The following RAP1GAP2 variants were observed in gnomAD, a reference collection of about 807,000 sequenced individuals.
RAP1GAP2 encodes RAP1 GTPase activating protein 2.
RAP1GAP2 carries 27 observed loss-of-function variants against 95.0 expected under a neutral mutation model. The ratio of observed to expected loss-of-function variants is 0.28; its 90% CI spans 0.21 to 0.39. The LOEUF is 0.39. Among genes scored for constraint, RAP1GAP2 ranks in the 10% least tolerant of loss-of-function variants. The pLI, the probability that RAP1GAP2 is intolerant of heterozygous loss-of-function variation, is 1.00. For missense variants in RAP1GAP2, 771 were observed against 970.0 expected (o/e 0.79, Z 2.72); for synonymous variants, 373 against 380.9 (o/e 0.98, Z 0.24).
At chr17:2,853,832 G>A (rs1217695558) in intron 2 of RAP1GAP2, 4 of 750,288 alleles carry the variant, frequency 5.3e-6, no homozygotes, top group Non-Finnish European at 6.5e-6. Context: ...GGAGGGGAGA[G>A]CGCGCGGTCA....
chr17:2,820,899 T>TG lies in RAP1GAP2; in HGVS notation c.80+20349_80+20350insG, dbSNP rs1567678140. Among the ~76,000 whole-genome samples the TG allele has an allele frequency of 2.4e-3, 349 of 147,218 alleles. 8 individuals are homozygous for TG. Among genetic ancestry groups the TG allele is most frequent in the African/African-American group, 8.3e-3 (333 of 40,112 alleles). On this transcript the variant is annotated intron_variant, in intron 2 of 24. Coordinates refer to ENST00000254695, the MANE Select transcript of RAP1GAP2 (RefSeq NM_015085.5). ...ACCACGGCCCGGATAATGGTTTTTT[T>TG]TTTTTTTTTTGTATTTTTAGTAGAG...
chr17:2,806,554 G>A (rs371684176), intron 2 of RAP1GAP2, among the ~76,000 whole-genome samples: 10 of 150,808 alleles, frequency 6.6e-5, no homozygotes, highest in South Asian at 4.2e-4. Flanking sequence ...CACCGTGCCC[G>A]GCTACTTTTT....
intron 1 of RAP1GAP2, among the ~76,000 whole-genome samples, chr17:2,765,795 C>G (rs111697464): frequency 1.7e-3 from 260 of 151,624 alleles, no homozygotes; most frequent in African/African-American, 6.1e-3. Context: ...GGTGAAACCC[C>G]CTCTCTACTA....
intron 8 of RAP1GAP2, among the ~76,000 whole-genome samples, chr17:2,973,379 G>A (rs1441441975): frequency 6.6e-6 from 1 of 152,132 alleles, no homozygotes; most frequent in African/African-American, 2.4e-5. Flanking sequence ...AGCCAGGCGT[G>A]GTGGTGGGTG....
chr17:2,800,454 G>A, intron 1 of RAP1GAP2, 61 bp from the exon 2 acceptor site: 1 of 1,561,194 alleles, frequency 6.4e-7, no homozygotes, highest in Non-Finnish European at 8.7e-7. Flanking sequence ...CCTCCATACA[G>A]ATGCTATGTA....
chr17:2,774,414 A>G (rs2068452706), upstream of RAP1GAP2, among the ~76,000 whole-genome samples: 1 of 148,500 alleles, frequency 6.7e-6, no homozygotes, highest in African/African-American at 2.5e-5. Context: ...GAGCAGTTGT[A>G]TTTCTGGGTG....
At chr17:2,966,281 TC>T (rs2044595903) in intron 8 of RAP1GAP2, among the ~76,000 whole-genome samples, 1 of 152,224 alleles carries the variant, frequency 6.6e-6, no homozygotes, top group African/African-American at 2.4e-5. Flanking sequence ...TGAGACTTGG[TC>T]CCTGTTCTCT....
chr17:2,758,175 C>CG (rs892553622), intron 1 of RAP1GAP2, among the ~76,000 whole-genome samples: 1 of 138,048 alleles, frequency 7.2e-6, no homozygotes, highest in Non-Finnish European at 1.6e-5. Context: ...GGCCACGCCC[C>CG]CCCCCCTTTT....
Position 2,904,133 on chromosome 17 carries a change from G to A in RAP1GAP2, c.81-1151G>A, listed in dbSNP as rs7503243. Among the ~76,000 whole-genome samples, 69 of 152,230 alleles carry A rather than the reference G, an allele frequency of 4.5e-4. No homozygotes were observed. The highest frequency in any genetic ancestry group is 1.5e-3 in the African/African-American group (61 of 41,544). ...GTTGGGGGCTTTGACGGCTCAGCCCGGCCCTCTTCGGCTTTTAATACGGTT... is the reference window on the plus strand; with the variant it reads ...GTTGGGGGCTTTGACGGCTCAGCCCAGCCCTCTTCGGCTTTTAATACGGTT... On this transcript the variant is annotated intron_variant, in intron 2 of 24. Coordinates refer to ENST00000254695, the MANE Select transcript of RAP1GAP2 (RefSeq NM_015085.5). This position sits in a 1 kb window ranked among gnomAD's most constrained non-coding sequence, Gnocchi z 4.7.
At chr17:2,982,462 A>T (rs933032852) in intron 10 of RAP1GAP2, among the ~76,000 whole-genome samples, 2 of 152,116 alleles carry the variant, frequency 1.3e-5, no homozygotes, top group African/African-American at 4.8e-5. Flanking sequence ...AGTGTTCAGG[A>T]TTGGGCATGC....
rs576943207 is a variant in RAP1GAP2, at chr17:2,881,977, C to G, written c.81-23307C>G. Among the ~76,000 whole-genome samples, 808 of 151,964 alleles carry G rather than the reference C, an allele frequency of 5.3e-3. 9 individuals are homozygous for G. Among genetic ancestry groups the G allele is most frequent in the African/African-American group, 0.019 (779 of 41,480 alleles). On this transcript the variant is annotated intron_variant, in intron 2 of 24. Coordinates refer to ENST00000254695, the MANE Select transcript of RAP1GAP2 (RefSeq NM_015085.5). ...CTGGGACTACAGGTGCCTGCCACCA[C>G]GCCTGGCTAATTTTTTGTATTTTTA...
rs1414719092 is a variant in RAP1GAP2 at position 2,889,885 on chromosome 17, ATATAT to A, written c.81-15397_81-15393del. 5.0e-3 allele frequency among the ~76,000 whole-genome samples: 225 copies of A among 44,860 alleles called. 3 individuals carry two copies. Among genetic ancestry groups the A allele is most frequent in the Middle Eastern group, 0.011 (1 of 92 alleles). 29.4% of individuals were successfully genotyped at this position (44,860 alleles called of 152,430 possible). A position where few individuals can be genotyped will look rare whatever the true frequency, so the allele number is the denominator to read the frequency against. On this transcript the variant is annotated intron_variant, in intron 2 of 24. Coordinates refer to ENST00000254695, the MANE Select transcript of RAP1GAP2 (RefSeq NM_015085.5). ...TGTGTATATATATATATATATATAT[ATATAT>A]TTTTTTTTTTTTTTGTAGAGATGGG...
intron 1 of RAP1GAP2, among the ~76,000 whole-genome samples, chr17:2,782,552 G>A (rs1017725743): frequency 6.6e-6 from 1 of 152,124 alleles, no homozygotes; most frequent in African/African-American, 2.4e-5. Context: ...GGGGCTCCGG[G>A]CATCCAATGG....
chr17:2,949,338 C>A (rs4790395), intron 3 of RAP1GAP2, among the ~76,000 whole-genome samples: 61 of 151,992 alleles, frequency 4.0e-4, no homozygotes, highest in African/African-American at 1.5e-3. Context: ...TGGATGGAGA[C>A]CCCTTCCGGA....
upstream of RAP1GAP2, among the ~76,000 whole-genome samples, chr17:2,776,549 C>T (rs537488199): frequency 7.9e-5 from 12 of 152,228 alleles, no homozygotes; most frequent in African/African-American, 2.9e-4. Context: ...GGTGCCCGCC[C>T]CTCCGCCCCC....
chr17:3,028,059 C>A (rs1272720936), intron 22 of RAP1GAP2, among the ~76,000 whole-genome samples: 4 of 151,902 alleles, frequency 2.6e-5, no homozygotes, highest in Non-Finnish European at 4.4e-5. Flanking sequence ...GGGTCCAAAT[C>A]CTGGGTCTGC....
chr17:2,841,931 G>A (rs1020185058), intron 2 of RAP1GAP2, among the ~76,000 whole-genome samples: 1 of 152,234 alleles, frequency 6.6e-6, no homozygotes, highest in South Asian at 2.1e-4. Context: ...TGGCAGGCAG[G>A]TGAGGAGACC....
intron 1 of RAP1GAP2, 139 bp from the exon 2 acceptor site, chr17:2,800,376 G>T: frequency 7.6e-7 from 1 of 1,311,112 alleles, no homozygotes; most frequent in African/African-American, 1.5e-5. Context: ...TGCTAGCGGA[G>T]AACTGGCCCC....
In RAP1GAP2 at chr17:3,026,449, G is replaced by C. The variant is rs535243979; in HGVS notation, c.1965G>C (p.Glu655Asp). 1.9e-6 allele frequency: 3 copies of C among 1,551,056 alleles called. No homozygotes were observed. Among genetic ancestry groups the C allele is most frequent in the Non-Finnish European group, 2.6e-6 (3 of 1,146,848 alleles). The change falls in exon 21 of 25, where the codon GAG becomes GAC. Residue 655 changes from glutamate to aspartate, a missense_variant. Transcript: ENST00000254695. ...SSTAGEGEAMEEGDSGGSQPS... is the reference protein window; with the variant it reads ...SSTAGEGEAMDEGDSGGSQPS... ...CTGCAGGGGAGGGCGAGGCCATGGA[G>C]GAGGGCGACAGTGGGGTAGGTGTGC...
Sources: allele counts gnomAD v4.1 joint callset (sites outside exome capture counted in the v4.1 genomes callset), GRCh38; gene constraint gnomAD v4.1.1; non-coding constraint Gnocchi (gnomAD v3.1); transcripts MANE v1.5; gene names NCBI Gene and HGNC (gene_info 2026-07-23, HGNC 2026-07-21).